Variants in CS observed in about 807,000 individuals in gnomAD.
CS encodes the protein citrate synthase, also known as citrate synthase, mitochondrial.
Under a neutral mutation model 61.4 loss-of-function variants are expected in CS, and 13 were observed. The observed-to-expected ratio is 0.21, with a 90% CI of 0.14 to 0.34. CS has a LOEUF of 0.34. Ranked by LOEUF, CS falls within the 10% of genes least tolerant of loss-of-function variation. CS has a pLI of 1.00. For synonymous variants in CS, 159 were observed against 215.2 expected, an observed-to-expected ratio of 0.74 and a Z score of 2.29; for missense variants, 278 against 573.4, an observed-to-expected ratio of 0.48 and a Z score of 5.26.
chr12:56,289,449 ATT>A (rs565695428), intron 1 of CS, among the ~76,000 whole-genome samples: 178 of 148,230 alleles, frequency 1.2e-3, no homozygotes, highest in African/African-American at 4.2e-3. Flanking sequence ...AATTTAATTA[ATT>A]TTTTTTTTTG....
chr12:56,298,780 C>T (rs763585676), intron 1 of CS: 2 of 566,960 alleles, frequency 3.5e-6, no homozygotes, highest in Non-Finnish European at 4.5e-6. Context: ...TGGTTCACAC[C>T]TGTAATCCCA....
At chr12:56,298,560 G>T in intron 1 of CS, 2 of 911,872 alleles carry the variant, frequency 2.2e-6, no homozygotes, top group Non-Finnish European at 2.6e-6. Flanking sequence ...CCCCCATTCT[G>T]CCAAAACGCT....
chr12:56,287,810 A>C (rs542731468), intron 1 of CS, among the ~76,000 whole-genome samples: 57 of 152,210 alleles, frequency 3.7e-4, no homozygotes, highest in African/African-American at 1.4e-3. Flanking sequence ...ATGCACCACC[A>C]TGCTTGGCTA....
At chr12:56,294,295 G>A (rs1873225569) in intron 1 of CS, among the ~76,000 whole-genome samples, 1 of 151,810 alleles carries the variant, frequency 6.6e-6, no homozygotes, top group African/African-American at 2.4e-5. Flanking sequence ...CCAAGATGGT[G>A]AAACCCTGTC....
At chr12:56,273,291 A>C in intron 10 of CS, 37 bp from the exon 11 acceptor site, 1 of 1,598,572 alleles carries the variant, frequency 6.3e-7, no homozygotes, top group Non-Finnish European at 8.6e-7. Context: ...CATTTAAGGC[A>C]GAGGCAGTGG....
intron 2 of CS, 50 bp downstream of exon 2, chr12:56,286,545 C>T (rs1265378049): frequency 6.3e-7 from 1 of 1,576,826 alleles, no homozygotes; most frequent in African/African-American, 1.4e-5. Context: ...GCCCCAAGGT[C>T]AGGCTGGCCG....
rs1592404610 is a variant in CS, at chr12:56,273,818, G to T, written c.1021-22C>A. The T allele has an allele frequency of 3.8e-6, 6 of 1,577,262 alleles. No homozygotes were observed. In the East Asian group the frequency reaches 1.3e-4, roughly 35 times the overall value. Reference sequence around the variant, plus strand: ...CAACCTGTAAAGAGTGAGGAAAAAAGATAGTATTCTCAGTAGAAATTCTTT... The same window carrying T: ...CAACCTGTAAAGAGTGAGGAAAAAATATAGTATTCTCAGTAGAAATTCTTT... On this transcript the variant is annotated intron_variant, in intron 9 of 10. Transcript: ENST00000351328.
At chr12:56,293,010 G>A (rs926654015) in intron 1 of CS, among the ~76,000 whole-genome samples, 2 of 152,152 alleles carry the variant, frequency 1.3e-5, no homozygotes, top group Admixed American at 1.3e-4. Context: ...AGGAGGCTGA[G>A]GCAGAAGAAT....
intron 1 of CS, among the ~76,000 whole-genome samples, chr12:56,287,075 G>C (rs1046618967): frequency 1.3e-5 from 2 of 152,134 alleles, no homozygotes; most frequent in African/African-American, 4.8e-5. Context: ...TTTCATAACG[G>C]TACTTCTGAC....
chr12:56,293,472 C>G (rs1180666264), intron 1 of CS, among the ~76,000 whole-genome samples: 1 of 152,112 alleles, frequency 6.6e-6, no homozygotes, highest in African/African-American at 2.4e-5. Context: ...ATCCCAACAC[C>G]TTGGGAGGCC....
intron 1 of CS, among the ~76,000 whole-genome samples, chr12:56,290,293 CCTCCCT>C (rs899387021): frequency 4.6e-5 from 7 of 152,022 alleles, no homozygotes; most frequent in African/African-American, 1.7e-4. Flanking sequence ...CTCATTGCAA[CCTCCCT>C]CTCCCAGGTT....
At chr12:56,294,505 T>C (rs1234738643) in intron 1 of CS, among the ~76,000 whole-genome samples, 1 of 146,612 alleles carries the variant, frequency 6.8e-6, no homozygotes, top group African/African-American at 2.5e-5. Context: ...AAAGATGCAC[T>C]GATCACTCAG....
In CS at chr12:56,286,008, A is replaced by T; in HGVS notation, c.109T>A (p.Leu37Met). Reference protein sequence around the residue: ...SASSTNLKDILADLIPKEQAR... With the variant: ...SASSTNLKDIMADLIPKEQAR... ...TGCTCCTTAGGTATCAGGTCAGCCA[A>T]TATGTCTTTCAAATTCTAAAAAGAA... is the stretch of plus-strand genomic sequence containing the variant. Residue 37 changes from leucine to methionine, a missense_variant, in exon 3 of 11, where the codon TTG becomes ATG. Around this residue, in one of 2 missense-constraint regions of CS, gnomAD observed 55 missense variants for 69.9 expected, o/e 0.79. Coordinates refer to ENST00000351328, the MANE Select transcript of CS (RefSeq NM_004077.3). The T allele has an allele frequency of 2.5e-6, 4 of 1,613,782 alleles. No individual in the cohort carries two copies. The highest frequency in any genetic ancestry group is 3.4e-6 in the Non-Finnish European group (4 of 1,179,720).
Position 56,273,661 on chromosome 12 carries a change from T to A in CS, c.1156A>T (p.Asn386Tyr), listed in dbSNP as rs1211718085. ...GCTTTACCCTGCTCTAAGAGGACAT[T>A]GGGCACAATCTTGTACAGCTGAGCA... Reference protein sequence around the residue: ...LVAQLYKIVPNVLLEQGKAKN... With the variant: ...LVAQLYKIVPYVLLEQGKAKN... The change falls in exon 10 of 11, where the codon AAT becomes TAT. Residue 386 changes from asparagine to tyrosine, a missense_variant. Physicochemically the swap from Asn to Tyr is moderately radical, Grantham distance 143. Coordinates refer to ENST00000351328, the MANE Select transcript of CS (RefSeq NM_004077.3). 1.2e-6 allele frequency: 2 copies of A among 1,614,044 alleles called. No individual in the cohort carries two copies. The highest frequency in any genetic ancestry group is 2.7e-5 in the African/African-American group (2 of 74,902).
chr12:56,275,789 G>A (rs946983398), intron 7 of CS: 2 of 591,190 alleles, frequency 3.4e-6, no homozygotes, highest in Non-Finnish European at 3.0e-6. Flanking sequence ...GCACCATCTT[G>A]TTCTTAGCAT....
intron 4 of CS, among the ~76,000 whole-genome samples, chr12:56,283,528 C>A (rs1169282682): frequency 2.0e-5 from 3 of 152,186 alleles, no homozygotes; most frequent in African/African-American, 7.2e-5. Flanking sequence ...CAGGTGTGAG[C>A]CACTGCGCCC....
chr12:56,274,649 T>C, intron 9 of CS, 128 bp downstream of exon 9: 1 of 736,536 alleles, frequency 1.4e-6, no homozygotes, highest in South Asian at 2.1e-5. Context: ...TTCTAAATTC[T>C]TCAAGGTAGA....
intron 1 of CS, among the ~76,000 whole-genome samples, chr12:56,288,859 C>G (rs746540418): frequency 6.6e-6 from 1 of 151,622 alleles, no homozygotes; most frequent in Non-Finnish European, 1.5e-5. Flanking sequence ...GGGTCTTGCT[C>G]TGTTGCCCAG....
At chr12:56,283,588 T>C (rs1872841472) in intron 4 of CS, among the ~76,000 whole-genome samples, 1 of 152,168 alleles carries the variant, frequency 6.6e-6, no homozygotes, top group Non-Finnish European at 1.5e-5. Context: ...ATAACTTACC[T>C]CTGGTTTTGT....
Sources: allele counts gnomAD v4.1 joint callset (sites outside exome capture counted in the v4.1 genomes callset), GRCh38; gene constraint gnomAD v4.1.1; regional missense constraint gnomAD v4.1.1; transcripts MANE v1.5; gene names NCBI Gene and HGNC (gene_info 2026-07-23, HGNC 2026-07-21).